Variants in CDK8 observed in about 807,000 individuals in gnomAD.
The protein encoded by CDK8 is cyclin dependent kinase 8, also known as cyclin-dependent kinase 8.
CDK8 carries 29 observed loss-of-function variants against 71.5 expected under a neutral mutation model. That is an observed-to-expected ratio of 0.41 (90% CI 0.30 to 0.55). The LOEUF is 0.55. CDK8 is among the 20% of genes least tolerant of loss of function. The pLI, the probability that CDK8 is intolerant of heterozygous loss-of-function variation, is 0.37. For synonymous variants in CDK8, 161 were observed against 192.1 expected (o/e 0.84, Z 1.34); for missense variants, 288 against 572.6 (o/e 0.50, Z 5.07).
At chr13:26,272,078 C>T (rs1872353508) in intron 1 of CDK8, among the ~76,000 whole-genome samples, 1 of 151,708 alleles carries the variant, frequency 6.6e-6, no homozygotes, top group African/African-American at 2.4e-5. Flanking sequence ...GTACTTTAAA[C>T]TTTTCAGTTT....
intron 4 of CDK8, among the ~76,000 whole-genome samples, chr13:26,379,279 T>A (rs1380392750): frequency 2.0e-5 from 3 of 152,228 alleles, no homozygotes; most frequent in Non-Finnish European, 4.4e-5. Context: ...AAAAGTGAGA[T>A]GCTGGTAAGG....
rs148978427 is a variant in CDK8 at position 26,372,773 on chromosome 13, G to C, written c.457-10041G>C. Among the ~76,000 whole-genome samples the C allele has an allele frequency of 5.8e-3, 879 of 152,246 alleles. 10 individuals carry two copies. The highest frequency in any genetic ancestry group is 0.02 in the African/African-American group (832 of 41,546). Reference sequence around the variant, plus strand: ...CTTTCTGGCCTTAGTCATCTCATCTGTAAAATTAACCTGTGTAGAGGACTT... The same window carrying C: ...CTTTCTGGCCTTAGTCATCTCATCTCTAAAATTAACCTGTGTAGAGGACTT... On this transcript the variant is annotated intron_variant, in intron 4 of 12. Transcript: ENST00000381527.
chr13:26,377,423 A>G (rs1472583123), intron 4 of CDK8, among the ~76,000 whole-genome samples: 1 of 152,260 alleles, frequency 6.6e-6, no homozygotes, highest in African/African-American at 2.4e-5. Flanking sequence ...AGTGAACATA[A>G]GAATGAATGT....
At chr13:26,273,775 A>T (rs1209700115) in intron 1 of CDK8, among the ~76,000 whole-genome samples, 1 of 151,104 alleles carries the variant, frequency 6.6e-6, no homozygotes, top group Non-Finnish European at 1.5e-5. Context: ...GCTGTTACTT[A>T]AAAAAAAAGT....
chr13:26,344,735 T>G (rs1200132791), intron 2 of CDK8, among the ~76,000 whole-genome samples: 1 of 150,332 alleles, frequency 6.7e-6, no homozygotes, highest in Non-Finnish European at 1.5e-5. Flanking sequence ...CTGGGCAATA[T>G]GAGACTGTCT....
At chr13:26,361,473 T>G (rs552434590) in intron 4 of CDK8, among the ~76,000 whole-genome samples, 1 of 152,272 alleles carries the variant, frequency 6.6e-6, no homozygotes, top group Non-Finnish European at 1.5e-5. Context: ...TTAAACATGC[T>G]CAGAACACTT....
At chr13:26,382,781 C>T (rs761143766) in intron 4 of CDK8, 33 bp from the exon 5 acceptor site, 2 of 1,386,258 alleles carry the variant, frequency 1.4e-6, no homozygotes, top group Non-Finnish European at 2.0e-6. Context: ...CCACTACTGT[C>T]TACTGAAAAA....
chr13:26,303,763 CAT>C (rs1026973937), intron 1 of CDK8, among the ~76,000 whole-genome samples: 1 of 152,074 alleles, frequency 6.6e-6, no homozygotes, highest in Non-Finnish European at 1.5e-5. Flanking sequence ...GTTTAAAAAT[CAT>C]GTGTACTCTG....
At chr13:26,255,417 A>G (rs1362220013) in intron 1 of CDK8, among the ~76,000 whole-genome samples, 3 of 152,164 alleles carry the variant, frequency 2.0e-5, no homozygotes, top group Non-Finnish European at 4.4e-5. Context: ...TGACATAGGG[A>G]CTATCTCGTT....
At chr13:26,393,651 A>C (rs1216091748) in intron 7 of CDK8, 141 bp downstream of exon 7, 2 of 834,972 alleles carry the variant, frequency 2.4e-6, no homozygotes, top group Non-Finnish European at 3.7e-6. Flanking sequence ...TTTATCAAAG[A>C]TCCGTAGAAA....
intron 1 of CDK8, among the ~76,000 whole-genome samples, chr13:26,319,922 T>C (rs974207923): frequency 4.6e-5 from 7 of 152,148 alleles, no homozygotes; most frequent in African/African-American, 1.7e-4. Flanking sequence ...CTCTTGCATA[T>C]ATGGTCAAAT....
At chr13:26,363,189 G>A (rs1874227085) in intron 4 of CDK8, among the ~76,000 whole-genome samples, 1 of 150,578 alleles carries the variant, frequency 6.6e-6, no homozygotes, top group African/African-American at 2.4e-5. Context: ...TTAGCCAGGT[G>A]CGGTGACAGG....
intron 2 of CDK8, among the ~76,000 whole-genome samples, chr13:26,339,263 TATGATATACTCA>T (rs1291847808): frequency 6.6e-6 from 1 of 152,140 alleles, no homozygotes; most frequent in Admixed American, 6.5e-5. Flanking sequence ...ATTTCTAGTC[TATGATATACTCA>T]ATTAATTTTT....
chr13:26,392,391 G>A (rs369403123), intron 6 of CDK8, among the ~76,000 whole-genome samples: 2 of 144,060 alleles, frequency 1.4e-5, no homozygotes, highest in East Asian at 4.1e-4. Flanking sequence ...GCAGTGGCGC[G>A]ATCTCGGCTC....
rs181448767 is a variant in CDK8, at chr13:26,376,113, G to C, written c.457-6701G>C. Among the ~76,000 whole-genome samples, 95 of 152,276 alleles carry C rather than the reference G, an allele frequency of 6.2e-4. 1 individual carries two copies. The highest frequency in any genetic ancestry group is 1.2e-3 in the Non-Finnish European group (79 of 68,026). ...GAAGATAGTAGACAAAGCAAAGTTA[G>C]TTTTGTTATACCACCAAATCTATAA... On this transcript the variant is annotated intron_variant, in intron 4 of 12. Transcript: ENST00000381527.
intron 2 of CDK8, among the ~76,000 whole-genome samples, chr13:26,344,349 C>T (rs1039932894): frequency 2.6e-5 from 4 of 152,142 alleles, no homozygotes; most frequent in Non-Finnish European, 5.9e-5. Flanking sequence ...CTGCAATGAA[C>T]ATACAAATGC....
chr13:26,375,906 A>G (rs2138035650), intron 4 of CDK8, among the ~76,000 whole-genome samples: 1 of 152,358 alleles, frequency 6.6e-6, no homozygotes. Flanking sequence ...TGCATGTATC[A>G]GGGCTTTGGG....
Position 26,364,653 on chromosome 13 carries a change from T to C in CDK8, c.456+10773T>C, listed in dbSNP as rs540524697. On this transcript the variant is annotated intron_variant, in intron 4 of 12. Transcript: ENST00000381527. Reference sequence around the variant, plus strand: ...AGGGAAAAAAGTGTTTTAATCTGGATCATAAAACTGAAGAAAATGTTTATT... The same window carrying C: ...AGGGAAAAAAGTGTTTTAATCTGGACCATAAAACTGAAGAAAATGTTTATT... Among the ~76,000 whole-genome samples, 11 of 152,314 alleles carry C rather than the reference T, an allele frequency of 7.2e-5. No homozygotes were observed. In the East Asian group the frequency reaches 1.7e-3, roughly 24 times the overall value.
At chr13:26,368,397 A>G (rs1874492383) in intron 4 of CDK8, among the ~76,000 whole-genome samples, 1 of 152,120 alleles carries the variant, frequency 6.6e-6, no homozygotes, top group Non-Finnish European at 1.5e-5. Context: ...CACCTGGGAG[A>G]CTGATATATT....
Sources: gnomAD v4.1 joint callset for allele counts (sites outside exome capture counted in the v4.1 genomes callset) on GRCh38, gnomAD v4.1.1 for gene constraint, MANE v1.5 for transcripts, NCBI Gene and HGNC (gene_info 2026-07-23, HGNC 2026-07-21) for gene names.